The following EDNRA variants were observed in gnomAD, a reference collection of about 807,000 sequenced individuals.
EDNRA encodes endothelin-1 receptor.
Under a neutral mutation model 41.4 loss-of-function variants are expected in EDNRA, and 11 were observed. That is an observed-to-expected ratio of 0.27 (90% CI 0.17 to 0.44). The LOEUF is 0.44. Among genes scored for constraint, EDNRA ranks in the 20% least tolerant of loss-of-function variants. EDNRA has a pLI of 1.00. For synonymous variants in EDNRA, 172 were observed against 183.0 expected, an observed-to-expected ratio of 0.94 and a Z score of 0.49; for missense variants, 294 against 531.0, an observed-to-expected ratio of 0.55 and a Z score of 4.39.
Position 147,506,391 on chromosome 4 carries a change from A to G in EDNRA, c.421-13460A>G, listed in dbSNP as rs1578790521. On this transcript the variant is annotated intron_variant, in intron 2 of 7. Coordinates refer to ENST00000651419, the MANE Select transcript of EDNRA (RefSeq NM_001957.4). The stretch of plus-strand genomic sequence containing the variant: ...TGAATGCCAACAGACTGCCAGTGAA[A>G]AGTACATGAGATTAAAAAGATTGCA... 5 of 417,110 alleles carry G rather than the reference A, an allele frequency of 1.2e-5. No homozygotes were observed. In the East Asian group the frequency reaches 2.9e-4, roughly 25 times the overall value. The allele number at this position is 417,110 out of a possible 1,614,324, so 25.8% of individuals were successfully genotyped here.
chr4:147,528,552 A>G (rs531329731), intron 3 of EDNRA, among the ~76,000 whole-genome samples: 2 of 152,034 alleles, frequency 1.3e-5, no homozygotes, highest in East Asian at 3.9e-4. Context: ...GAATTTCACC[A>G]TGTTGCCCAG....
intron 3 of EDNRA, among the ~76,000 whole-genome samples, chr4:147,529,649 T>C (rs1236349416): frequency 6.6e-6 from 1 of 152,182 alleles, no homozygotes; most frequent in Non-Finnish European, 1.5e-5. Context: ...ACTTGCAGAT[T>C]TTCCATGACA....
At chr4:147,508,165 G>A (rs1340880229) in intron 2 of EDNRA, among the ~76,000 whole-genome samples, 1 of 151,980 alleles carries the variant, frequency 6.6e-6, no homozygotes, top group East Asian at 1.9e-4. Flanking sequence ...TTGAAATGGA[G>A]TCTCGCTCTG....
rs895063602 is a variant in EDNRA at position 147,523,494 on chromosome 4, T to G, written c.548+3516T>G. 6.9e-3 allele frequency among the ~76,000 whole-genome samples: 933 copies of G among 136,178 alleles called. 37 individuals are homozygous for G. Among genetic ancestry groups the G allele is most frequent in the African/African-American group, 0.022 (674 of 29,970 alleles). 89.3% of individuals were successfully genotyped at this position (136,178 alleles called of 152,430 possible). A position where few individuals can be genotyped will look rare whatever the true frequency, so the allele number is the denominator to read the frequency against. On this transcript the variant is annotated intron_variant, in intron 3 of 7. Coordinates refer to ENST00000651419, the MANE Select transcript of EDNRA (RefSeq NM_001957.4). Reference sequence around the variant, plus strand: ...TTGTTGTTGTTGTTTTTTTGTTTTTTTTGTTTTTTTTTTTGAGATGGAGTC... The same window carrying G: ...TTGTTGTTGTTGTTTTTTTGTTTTTGTTGTTTTTTTTTTTGAGATGGAGTC...
intron 2 of EDNRA, among the ~76,000 whole-genome samples, chr4:147,517,559 T>C (rs1475556935): frequency 6.6e-6 from 1 of 152,146 alleles, no homozygotes; most frequent in Admixed American, 6.5e-5. Context: ...GACATACAAG[T>C]TAGGGAAGTC....
chr4:147,541,434 C>A (rs1731101341), intron 7 of EDNRA, among the ~76,000 whole-genome samples: 1 of 152,154 alleles, frequency 6.6e-6, no homozygotes, highest in Admixed American at 6.5e-5. Flanking sequence ...AAGCAAAGAG[C>A]CTCGATGGAC....
chr4:147,491,510 CTTAAA>C (rs1291475508), intron 2 of EDNRA: 7 of 152,136 alleles, frequency 4.6e-5, no homozygotes, highest in Admixed American at 6.5e-5. Context: ...GGCCTTCACT[CTTAAA>C]TTAACTTCAA....
intron 3 of EDNRA, among the ~76,000 whole-genome samples, chr4:147,532,017 CA>C (rs35034877): frequency 0.39 from 43,844 of 113,368 alleles, 8,083 homozygotes; most frequent in African/African-American, 0.57. Flanking sequence ...GACTCAGTCT[CA>C]AAAAAAAAAA....
intron 5 of EDNRA, among the ~76,000 whole-genome samples, chr4:147,536,400 T>C (rs10305921): frequency 0.34 from 51,807 of 152,054 alleles, 10,523 homozygotes; most frequent in African/African-American, 0.57. Flanking sequence ...AAATAAAATA[T>C]GCATGCAAAA....
chr4:147,490,873 AT>A (rs1344102417), intron 2 of EDNRA: 3 of 152,190 alleles, frequency 2.0e-5, no homozygotes, highest in African/African-American at 7.2e-5. Context: ...ATTTCCATAT[AT>A]CACTGTACCT....
chr4:147,526,414 G>T (rs1243857668), intron 3 of EDNRA, among the ~76,000 whole-genome samples: 3 of 152,230 alleles, frequency 2.0e-5, no homozygotes, highest in African/African-American at 4.8e-5. Flanking sequence ...TGGCACCTTG[G>T]CAGGGACAGC....
chr4:147,509,293 G>A (rs993593399), intron 2 of EDNRA, among the ~76,000 whole-genome samples: 6 of 152,160 alleles, frequency 3.9e-5, no homozygotes, highest in African/African-American at 7.2e-5. Context: ...TTGGTGCCAC[G>A]GTCGTGATTC....
chr4:147,512,902 A>G (rs982955820), intron 2 of EDNRA, among the ~76,000 whole-genome samples: 3 of 151,990 alleles, frequency 2.0e-5, no homozygotes, highest in African/African-American at 4.8e-5. Flanking sequence ...GACCATAACC[A>G]TGAACCATCA....
chr4:147,524,341 G>A (rs1380398175), intron 3 of EDNRA, among the ~76,000 whole-genome samples: 2 of 151,858 alleles, frequency 1.3e-5, no homozygotes, highest in African/African-American at 4.8e-5. Context: ...GGAAAGTTAG[G>A]TCATAGATTC....
intron 2 of EDNRA, among the ~76,000 whole-genome samples, chr4:147,498,905 A>G (rs1729408291): frequency 6.6e-6 from 1 of 152,218 alleles, no homozygotes; most frequent in East Asian, 1.9e-4. Context: ...GCGACCAGAC[A>G]CTTCATAACC....
At chr4:147,523,183 T>G (rs1241871501) in intron 3 of EDNRA, among the ~76,000 whole-genome samples, 1 of 152,194 alleles carries the variant, frequency 6.6e-6, no homozygotes, top group African/African-American at 2.4e-5. Flanking sequence ...AGATAGTAAA[T>G]GCCTCTTATC....
intron 6 of EDNRA, 142 bp downstream of exon 6, chr4:147,540,092 A>G (rs903599083): frequency 8.5e-6 from 10 of 1,179,962 alleles, no homozygotes; most frequent in Non-Finnish European, 1.2e-5. Flanking sequence ...TAGCTGACAT[A>G]GCCTATAACT....
chr4:147,525,313 C>T (rs1369353400), intron 3 of EDNRA, among the ~76,000 whole-genome samples: 1 of 152,166 alleles, frequency 6.6e-6, no homozygotes, highest in Non-Finnish European at 1.5e-5. Context: ...ATGGACTTGT[C>T]TCAGTTTAAC....
In EDNRA at chr4:147,486,625, A is replaced by T. The variant is rs75840894; in HGVS notation, c.420+524A>T. Among the ~76,000 whole-genome samples the T allele has an allele frequency of 0.01, 1,580 of 152,334 alleles. 25 individuals carry two copies. Among genetic ancestry groups the T allele is most frequent in the African/African-American group, 0.035 (1,467 of 41,572 alleles). On this transcript the variant is annotated intron_variant, in intron 2 of 7. Transcript: ENST00000651419. This position sits in a 1 kb window ranked among gnomAD's most constrained non-coding sequence, Gnocchi z 4.3. Reference sequence around the variant, plus strand: ...AAGGGCATCCTGGCTTTTCTCAGTGATATGGGTGACTTAGAGATAATGGGG... The same window carrying T: ...AAGGGCATCCTGGCTTTTCTCAGTGTTATGGGTGACTTAGAGATAATGGGG...
Sources: gnomAD v4.1 joint callset for allele counts (sites outside exome capture counted in the v4.1 genomes callset) on GRCh38, gnomAD v4.1.1 for gene constraint, Gnocchi (gnomAD v3.1) non-coding constraint, MANE v1.5 for transcripts, NCBI Gene and HGNC (gene_info 2026-07-23, HGNC 2026-07-21) for gene names.